The following HPS1 variants were observed in gnomAD, a reference collection of about 807,000 sequenced individuals.
HPS1 encodes the protein HPS1 biogenesis of lysosomal organelles complex 3 subunit 1, also known as BLOC-3 complex member HPS1.
In HPS1, 59 loss-of-function variants were observed where a neutral mutation model predicts 90.6. The observed-to-expected ratio is 0.65, with a 90% CI of 0.53 to 0.81. The LOEUF (loss-of-function observed/expected upper bound fraction) is 0.81, where lower values mean the gene tolerates loss of function less well. Among genes scored for constraint, HPS1 ranks in the 30% least tolerant of loss-of-function variants. The pLI is 0.00. For synonymous variants in HPS1, 388 were observed against 384.4 expected (o/e 1.01, Z -0.11); for missense variants, 849 against 896.7 (o/e 0.95, Z 0.68).
chr10:98,446,399 C>CG (rs1036558873), intron 1 of HPS1, among the ~76,000 whole-genome samples: 1 of 152,198 alleles, frequency 6.6e-6, no homozygotes, highest in Non-Finnish European at 1.5e-5. Context: ...CTCCAGATGG[C>CG]GGGGGGCCAA....
intron 6 of HPS1, among the ~76,000 whole-genome samples, chr10:98,433,611 A>C (rs1192716098): frequency 6.6e-6 from 1 of 152,020 alleles, no homozygotes; most frequent in Non-Finnish European, 1.5e-5. Flanking sequence ...TATCATTTGC[A>C]CTCAGGGAAT....
At chr10:98,430,117 C>G (rs1307290524) in intron 8 of HPS1, among the ~76,000 whole-genome samples, 2 of 152,222 alleles carry the variant, frequency 1.3e-5, no homozygotes, top group Admixed American at 6.5e-5. Flanking sequence ...CCCACCACTA[C>G]CCCTGGTGAT....
At position 98,429,635 on chromosome 10, in the gene HPS1, T is replaced by C. The variant is rs1308572840; in HGVS notation, c.875A>G (p.Asp292Gly). ...TGGSSAETET[D>G]SFSLPEEYFT... ...GTACTCCTCAGGGAGGGAGAAGCTG[T>C]CTGTCTCCTGGAATGGAGAAGGTGG... The change falls in exon 10 of 20, where the codon GAC becomes GGC. Residue 292 changes from aspartate (D) to glycine (G), a missense_variant. By Grantham distance (94) the Asp-to-Gly change is moderately conservative. Transcript: ENST00000361490. The C allele has an allele frequency of 2.5e-6, 4 of 1,614,094 alleles. No individual in the cohort carries two copies. The highest frequency in any genetic ancestry group is 3.4e-6 in the Non-Finnish European group (4 of 1,180,048).
Position 98,429,782 on chromosome 10 carries a change from A to G in HPS1, c.867+9T>C, listed in dbSNP as rs1460679029. ...CTGCCCCTGACTCCACGAAGTGCAC[A>G]GCACACACCGTCTCTGCAGAGCTCC... On this transcript the variant is annotated intron_variant, in intron 9 of 19. Coordinates refer to ENST00000361490, the MANE Select transcript of HPS1 (RefSeq NM_000195.5). The G allele has an allele frequency of 6.2e-7, 1 of 1,613,864 alleles. No individual in the cohort carries two copies. Among genetic ancestry groups the G allele is most frequent in the East Asian group, 2.2e-5 (1 of 44,880 alleles).
At chr10:98,422,827 G>C (rs1463723094) in intron 16 of HPS1, among the ~76,000 whole-genome samples, 2 of 152,236 alleles carry the variant, frequency 1.3e-5, no homozygotes, top group Non-Finnish European at 2.9e-5. Flanking sequence ...TGAGGCTGGA[G>C]TGTGAGCACA....
At chr10:98,429,406 C>T (rs975478307) in intron 10 of HPS1, 167 bp downstream of exon 10, 3 of 1,536,790 alleles carry the variant, frequency 2.0e-6, no homozygotes, top group Non-Finnish European at 2.6e-6. Context: ...CTGGAGCTGG[C>T]AGGGAAGATG....
intron 3 of HPS1, among the ~76,000 whole-genome samples, chr10:98,441,485 A>G (rs1004561261): frequency 3.3e-5 from 5 of 152,220 alleles, no homozygotes; most frequent in Non-Finnish European, 7.3e-5. Context: ...TAGATATAAC[A>G]CTAAAAGCAT....
At chr10:98,439,079 C>T (rs999674959) in intron 3 of HPS1, among the ~76,000 whole-genome samples, 2 of 152,220 alleles carry the variant, frequency 1.3e-5, no homozygotes, top group Non-Finnish European at 2.9e-5. Flanking sequence ...GGTTTGGGAA[C>T]CTCCACCTAG....
chr10:98,429,502 A>G (rs1208918523), intron 10 of HPS1, 71 bp downstream of exon 10: 1 of 1,612,328 alleles, frequency 6.2e-7, no homozygotes, highest in Non-Finnish European at 8.5e-7. Flanking sequence ...CTGGAGCCTA[A>G]GACAGATGTC....
chr10:98,426,182 C>T (rs1845581937), intron 11 of HPS1, 197 bp from the exon 12 acceptor site: 1 of 583,730 alleles, frequency 1.7e-6, no homozygotes, highest in South Asian at 2.0e-5. Context: ...GCTCCTGGGC[C>T]TTTCTGCCCA....
chr10:98,415,576 G>C (rs1333207949), downstream of HPS1, among the ~76,000 whole-genome samples: 1 of 152,238 alleles, frequency 6.6e-6, no homozygotes, highest in Non-Finnish European at 1.5e-5. Flanking sequence ...AAACGCCTGG[G>C]ATGGCAAGTG....
At position 98,434,049 on chromosome 10, in the gene HPS1, C is replaced by A; in HGVS notation, c.441G>T (p.Glu147Asp). 6.4e-7 allele frequency: 1 copy of A among 1,553,798 alleles called. No homozygotes were observed. Among genetic ancestry groups the A allele is most frequent in the Non-Finnish European group, 8.7e-7 (1 of 1,148,536 alleles). ...AGGTCCACAGCAGGCTCTGGAAGTG[C>A]TCCCACAGCTGGACACGCTGCGCCA... Reference protein sequence around the residue: ...PDLAQRVQLWEHFQSLLWTYS... With the variant: ...PDLAQRVQLWDHFQSLLWTYS... Residue 147 changes from glutamate to aspartate, a missense_variant, in exon 6 of 20, where the codon GAG becomes GAT. Physicochemically the swap from Glu to Asp is conservative, Grantham distance 45 (BLOSUM62 2). Transcript: ENST00000361490.
intron 16 of HPS1, among the ~76,000 whole-genome samples, 199 bp from the exon 17 acceptor site, chr10:98,422,712 G>T (rs550559173): frequency 4.6e-5 from 7 of 152,322 alleles, no homozygotes; most frequent in African/African-American, 1.7e-4. Context: ...GCCTTGAAAA[G>T]CTGTAAGATC....
At position 98,431,305 on chromosome 10, in the gene HPS1, G is replaced by T; in HGVS notation, c.508-14C>A. On this transcript the variant is annotated splice_polypyrimidine_tract_variant and intron_variant, in intron 6 of 19. Coordinates refer to ENST00000361490, the MANE Select transcript of HPS1 (RefSeq NM_000195.5). ...TCGCTCCAGGGCCTAGCCAGGGCAG[G>T]AAGGGAGAGGAAGCCATATCACCAA... is the stretch of plus-strand genomic sequence containing the variant. 6.2e-7 allele frequency: 1 copy of T among 1,612,604 alleles called. No individual in the cohort carries two copies. Among genetic ancestry groups the T allele is most frequent in the Non-Finnish European group, 8.5e-7 (1 of 1,179,792 alleles).
chr10:98,420,271 C>A, intron 17 of HPS1, 113 bp from the exon 18 acceptor site: 1 of 775,432 alleles, frequency 1.3e-6, no homozygotes, highest in South Asian at 1.4e-5. Flanking sequence ...GTGCCAGGGG[C>A]CTCTCCTAGT....
At chr10:98,423,072 G>A (rs1204357385) in intron 16 of HPS1, among the ~76,000 whole-genome samples, 1 of 152,282 alleles carries the variant, frequency 6.6e-6, no homozygotes, top group East Asian at 1.9e-4. Context: ...AGATGATATG[G>A]GAAAAGCTGC....
chr10:98,430,251 T>G (rs1368260516), intron 8 of HPS1, among the ~76,000 whole-genome samples: 1 of 152,182 alleles, frequency 6.6e-6, no homozygotes, highest in Non-Finnish European at 1.5e-5. Flanking sequence ...AGATGCTTTG[T>G]TATTCCCATT....
At chr10:98,437,108 T>A (rs751621533) in intron 3 of HPS1, among the ~76,000 whole-genome samples, 9 of 152,288 alleles carry the variant, frequency 5.9e-5, no homozygotes, top group Non-Finnish European at 1.0e-4. Flanking sequence ...TTTGTCACTA[T>A]CTGAACTCAT....
At chr10:98,415,156 T>C (rs1489474860), downstream of HPS1, 1 of 1,609,530 alleles carries the variant, frequency 6.2e-7, no homozygotes, top group African/African-American at 1.3e-5. Context: ...GGCTGGGCCT[T>C]GCTAGGCAGG....
Sources: allele counts gnomAD v4.1 joint callset (sites outside exome capture counted in the v4.1 genomes callset), GRCh38; gene constraint gnomAD v4.1.1; transcripts MANE v1.5; gene names NCBI Gene and HGNC (gene_info 2026-07-23, HGNC 2026-07-21).